The following ANKRD54 variants were observed in gnomAD, a reference collection of about 807,000 sequenced individuals.
ANKRD54 encodes the protein ankyrin repeat domain 54.
Under a neutral mutation model 36.2 loss-of-function variants are expected in ANKRD54, and 26 were observed. The ratio of observed to expected loss-of-function variants is 0.72; its 90% CI spans 0.53 to 1.00. The LOEUF (loss-of-function observed/expected upper bound fraction) is 1.00. ANKRD54 is among the 50% of genes least tolerant of loss of function. ANKRD54 has a pLI of 0.00. For synonymous variants in ANKRD54, 209 were observed against 188.4 expected, an observed-to-expected ratio of 1.11 and a Z score of -0.89; for missense variants, 384 against 424.3, an observed-to-expected ratio of 0.91 and a Z score of 0.83.
chr22:37,833,220 A>C lies in ANKRD54; in HGVS notation c.548-14T>G. On this transcript the variant is annotated splice_polypyrimidine_tract_variant and intron_variant, in intron 4 of 7. Coordinates refer to ENST00000215941, the MANE Select transcript of ANKRD54 (RefSeq NM_138797.4). Reference sequence around the variant, plus strand: ...TGGTGCAGGCCGCTGAGGAAGAACAACAGAGACTTAAGAATCCAGGACCAC... The same window carrying C: ...TGGTGCAGGCCGCTGAGGAAGAACACCAGAGACTTAAGAATCCAGGACCAC... 1.2e-6 allele frequency: 2 copies of C among 1,613,160 alleles called. No homozygotes were observed. Among genetic ancestry groups the C allele is most frequent in the East Asian group, 4.5e-5 (2 of 44,862 alleles).
upstream of ANKRD54, among the ~76,000 whole-genome samples, chr22:37,846,104 G>A (rs1189064502): frequency 4.6e-5 from 7 of 151,982 alleles, no homozygotes; most frequent in Non-Finnish European, 1.5e-5. Flanking sequence ...GAACCCAGGA[G>A]GCAGAGCTTG....
At chr22:37,832,801 T>C (rs917023295) in intron 6 of ANKRD54, 57 bp from the exon 7 acceptor site, 1 of 1,606,342 alleles carries the variant, frequency 6.2e-7, no homozygotes, top group African/African-American at 1.3e-5. Context: ...GACAGGCTGA[T>C]GCTGCTTCCA....
intron 7 of ANKRD54, 35 bp from the exon 8 acceptor site, chr22:37,832,052 C>T (rs761626432): frequency 2.4e-5 from 38 of 1,592,210 alleles, no homozygotes; most frequent in African/African-American, 9.4e-5. Context: ...TTATGGGACA[C>T]GGGGTGTGCC....
chr22:37,836,495 G>A (rs1310686221), intron 3 of ANKRD54, among the ~76,000 whole-genome samples: 1 of 130,920 alleles, frequency 7.6e-6, no homozygotes, highest in Non-Finnish European at 1.6e-5. Flanking sequence ...TGAACATATA[G>A]TTCATAAAAG....
intron 3 of ANKRD54, among the ~76,000 whole-genome samples, chr22:37,837,094 T>A (rs1923646814): frequency 6.8e-6 from 1 of 146,710 alleles, no homozygotes; most frequent in African/African-American, 2.5e-5. Context: ...ATCAGAGAAA[T>A]GCAAATTAAA....
chr22:37,836,347 G>A (rs1923530647), intron 3 of ANKRD54, among the ~76,000 whole-genome samples: 1 of 148,800 alleles, frequency 6.7e-6, no homozygotes, highest in Admixed American at 6.7e-5. Context: ...TTGGGAGGAT[G>A]AGGCAGGAGA....
chr22:37,832,132 G>A (rs1414572983), intron 7 of ANKRD54, 115 bp from the exon 8 acceptor site: 1 of 1,007,680 alleles, frequency 9.9e-7, no homozygotes, highest in East Asian at 2.6e-5. Flanking sequence ...CCCAGGGCGT[G>A]TGGTGGCTTC....
At position 37,844,051 on chromosome 22, in the gene ANKRD54, G is replaced by T; in HGVS notation, c.188C>A (p.Ser63Ter). 1 of 1,436,780 alleles carries T rather than the reference G, an allele frequency of 7.0e-7. No individual in the cohort carries two copies. The allele number at this position is 1,436,780 out of a possible 1,614,324, so 89.0% of individuals were successfully genotyped here. A position where few individuals can be genotyped will look rare whatever the true frequency, so the allele number is the denominator to read the frequency against. Residue 63 changes from serine to a stop codon, truncating the protein, a stop_gained, in exon 1 of 8, where the codon TCG (serine) becomes TAG (stop). Coordinates refer to ENST00000215941, the MANE Select transcript of ANKRD54 (RefSeq NM_138797.4). LOFTEE classifies it high-confidence loss of function. Reference protein sequence around the residue: ...LSGRASGGAQSPLRYLHVLWQ... With the variant: ...LSGRASGGAQ ...CAGGACGTGCAAGTAGCGCAGCGGC[G>T]ACTGGGCCCCGCCGGACGCCCGGCC...
upstream of ANKRD54, chr22:37,848,815 C>T (rs1442937502): frequency 6.6e-6 from 1 of 152,520 alleles, no homozygotes; most frequent in Admixed American, 6.5e-5. Flanking sequence ...TCCGAATCTT[C>T]CTTCACGCGA....
chr22:37,833,815 C>G (rs766510945), intron 3 of ANKRD54, 60 bp from the exon 4 acceptor site: 1 of 1,527,502 alleles, frequency 6.5e-7, no homozygotes, highest in Non-Finnish European at 9.0e-7. Flanking sequence ...CACCCTGAAC[C>G]CCTAACCTAG....
chr22:37,840,337 T>C, intron 1 of ANKRD54, 103 bp from the exon 2 acceptor site: 1 of 1,249,936 alleles, frequency 8.0e-7, no homozygotes, highest in Non-Finnish European at 1.2e-6. Context: ...GGCAGGCAGA[T>C]CACAAGGTCA....
intron 6 of ANKRD54, 90 bp from the exon 7 acceptor site, chr22:37,832,834 C>A: frequency 3.1e-6 from 5 of 1,602,414 alleles, no homozygotes; most frequent in Non-Finnish European, 4.3e-6. Flanking sequence ...GAGCAGGTGC[C>A]AACTGGGGTC....
At chr22:37,832,595 C>G in intron 7 of ANKRD54, 42 bp downstream of exon 7, 1 of 1,590,328 alleles carries the variant, frequency 6.3e-7, no homozygotes, top group Non-Finnish European at 8.6e-7. Flanking sequence ...GGCCCTGAGG[C>G]TCCTGCCAGG....
At chr22:37,835,504 C>A (rs1923406798) in intron 3 of ANKRD54, among the ~76,000 whole-genome samples, 1 of 152,018 alleles carries the variant, frequency 6.6e-6, no homozygotes, top group Admixed American at 6.6e-5. Context: ...ACAAAGAATT[C>A]TTACAAATCA....
At chr22:37,841,651 C>G (rs1924271646) in intron 1 of ANKRD54, among the ~76,000 whole-genome samples, 1 of 151,874 alleles carries the variant, frequency 6.6e-6, no homozygotes, top group African/African-American at 2.4e-5. Flanking sequence ...AGTTTGAGAC[C>G]AGCCTGGCCA....
Position 37,832,017 on chromosome 22 carries a change from C to T in ANKRD54, c.829G>A (p.Val277Met). 6.2e-7 allele frequency: 1 copy of T among 1,612,430 alleles called. No homozygotes were observed. The highest frequency in any genetic ancestry group is 1.1e-5 in the South Asian group (1 of 90,650). Reference sequence around the variant, plus strand: ...GCCAGGAGGTCAGTCACTTCATCCACCTGCAGGACGGAACAGAGGCTCTGT... The same window carrying T: ...GCCAGGAGGTCAGTCACTTCATCCATCTGCAGGACGGAACAGAGGCTCTGT... ...RLQMTSTKEQ[V>M]DEVTDLLASF... Residue 277 changes from valine to methionine, a missense_variant and splice_region_variant, in exon 8 of 8, where the codon GTG (valine) becomes ATG (methionine). By Grantham distance (21) the Val-to-Met change is conservative. This residue lies in a region of ANKRD54 where 179 missense variants were observed against 224.0 expected (regional missense o/e 0.80). Coordinates refer to ENST00000215941, the MANE Select transcript of ANKRD54 (RefSeq NM_138797.4).
chr22:37,845,595 G>A (rs184298394), upstream of ANKRD54, among the ~76,000 whole-genome samples: 119 of 152,268 alleles, frequency 7.8e-4, no homozygotes, highest in African/African-American at 2.6e-3. Context: ...TAATCTTTCC[G>A]CACGGTGGGT....
intron 2 of ANKRD54, among the ~76,000 whole-genome samples, chr22:37,839,609 G>T (rs570181352): frequency 6.6e-6 from 1 of 151,906 alleles, no homozygotes; most frequent in Non-Finnish European, 1.5e-5. Flanking sequence ...GGATGGTCTC[G>T]ATCTCCTAAC....
At chr22:37,834,920 G>A (rs1292722462) in intron 3 of ANKRD54, among the ~76,000 whole-genome samples, 1 of 151,698 alleles carries the variant, frequency 6.6e-6, no homozygotes, top group Non-Finnish European at 1.5e-5. Flanking sequence ...TTAGCTGGGT[G>A]TGGTGGCATA....
Sources: allele counts gnomAD v4.1 joint callset (sites outside exome capture counted in the v4.1 genomes callset), GRCh38; gene constraint gnomAD v4.1.1; regional missense constraint gnomAD v4.1.1; transcripts MANE v1.5; gene names NCBI Gene and HGNC (gene_info 2026-07-23, HGNC 2026-07-21).